The following CNTNAP3B variants were observed in gnomAD, a reference collection of about 807,000 sequenced individuals.
The protein encoded by CNTNAP3B is contactin-associated protein-like 3B.
CNTNAP3B carries 25 observed loss-of-function variants against 108.9 expected under a neutral mutation model. That is an observed-to-expected ratio of 0.23 (90% CI 0.17 to 0.32). The LOEUF is 0.32. Ranked by LOEUF, CNTNAP3B falls within the 10% of genes least tolerant of loss-of-function variation. The pLI is 1.00. For synonymous variants in CNTNAP3B, 103 were observed against 473.4 expected (o/e 0.22, Z 10.16); for missense variants, 252 against 1,210.4 (o/e 0.21, Z 11.75).
intron 3 of CNTNAP3B, among the ~76,000 whole-genome samples, chr9:42,036,660 GA>G (rs1826638580): frequency 7.4e-6 from 1 of 135,398 alleles, no homozygotes; most frequent in Non-Finnish European, 1.6e-5. Context: ...AACTTCTACA[GA>G]CTTAAACGTC....
At chr9:41,919,489 A>T in intron 18 of CNTNAP3B, among the ~76,000 whole-genome samples, 1 of 152,300 alleles carries the variant, frequency 6.6e-6, no homozygotes, top group Non-Finnish European at 1.5e-5. Flanking sequence ...AGAAGAGTCA[A>T]ACATCATAGA....
intron 11 of CNTNAP3B, 113 bp from the exon 12 acceptor site, chr9:41,961,005 C>G (rs543588570): frequency 1.1e-5 from 16 of 1,507,838 alleles, no homozygotes; most frequent in Non-Finnish European, 1.3e-5. Context: ...GACCCAACAT[C>G]ATTTTTATAG....
At chr9:41,990,697 G>A (rs1396691489) in intron 8 of CNTNAP3B, among the ~76,000 whole-genome samples, 3 of 133,026 alleles carry the variant, frequency 2.3e-5, no homozygotes, top group African/African-American at 5.9e-5. Context: ...ATTTAGTTCC[G>A]ATGCCAATTT....
chr9:41,994,684 C>G (rs776699348), intron 7 of CNTNAP3B: 1 of 348,946 alleles, frequency 2.9e-6, no homozygotes, highest in South Asian at 2.3e-5. Context: ...TTCCCCTTTT[C>G]TCATGCTAAC....
intron 1 of CNTNAP3B, among the ~76,000 whole-genome samples, chr9:42,120,755 A>G (rs1828443588): frequency 8.2e-6 from 1 of 122,446 alleles, no homozygotes; most frequent in Admixed American, 8.8e-5. Context: ...TCTCACTCAT[A>G]GGTGGGAACT....
chr9:42,097,394 G>C (rs987345935), intron 2 of CNTNAP3B, among the ~76,000 whole-genome samples: 1 of 139,458 alleles, frequency 7.2e-6, no homozygotes, highest in Admixed American at 7.1e-5. Context: ...TAATAAAGAT[G>C]CTTTTTATAT....
intron 13 of CNTNAP3B, among the ~76,000 whole-genome samples, chr9:41,940,740 G>T (rs1381587794): frequency 6.6e-6 from 1 of 150,840 alleles, no homozygotes; most frequent in Non-Finnish European, 1.5e-5. Flanking sequence ...GCGTGAACCC[G>T]GGAGGCGGAG....
In CNTNAP3B at chr9:42,026,595, G is replaced by GA. The variant is rs1225771329; in HGVS notation, c.391-13071dup. Among the ~76,000 whole-genome samples, 214 of 71,670 alleles carry GA rather than the reference G, an allele frequency of 3.0e-3. 7 individuals carry two copies. The highest frequency in any genetic ancestry group is 4.7e-3 in the African/African-American group (87 of 18,578). 47.0% of individuals were successfully genotyped at this position (71,670 alleles called of 152,430 possible). ...CGACAGAGTGAGCCTCCGTCTCAGG[G>GA]AAAAAAAAAAAAAAAAGCCTTTCTC... is the stretch of plus-strand genomic sequence containing the variant. On this transcript the variant is annotated intron_variant, in intron 3 of 23. Coordinates refer to ENST00000377561, the MANE Select transcript of CNTNAP3B (RefSeq NM_001201380.3).
At chr9:41,959,807 T>C (rs564691202) in intron 12 of CNTNAP3B, among the ~76,000 whole-genome samples, 404 of 152,106 alleles carry the variant, frequency 2.7e-3, no homozygotes, top group African/African-American at 9.3e-3. Context: ...CCCATTTGGT[T>C]ATTGTCCAAA....
At chr9:41,925,667 A>T (rs1410859274) in intron 15 of CNTNAP3B, among the ~76,000 whole-genome samples, 13 of 152,290 alleles carry the variant, frequency 8.5e-5, no homozygotes, top group African/African-American at 3.1e-4. Flanking sequence ...GTATTTATCC[A>T]TTTGTTTATT....
At chr9:41,945,960 C>G (rs1340628248) in intron 13 of CNTNAP3B, among the ~76,000 whole-genome samples, 2 of 152,264 alleles carry the variant, frequency 1.3e-5, no homozygotes, top group Non-Finnish European at 2.9e-5. Flanking sequence ...ACAAAGCCAA[C>G]TGCAGAGCAA....
At chr9:42,059,901 C>T (rs1373776450) in intron 3 of CNTNAP3B, among the ~76,000 whole-genome samples, 212 of 142,448 alleles carry the variant, frequency 1.5e-3, no homozygotes, top group Non-Finnish European at 2.2e-3. Context: ...GAAATTTATG[C>T]ATTAGTTCTA....
At chr9:42,096,999 G>A (rs188645193) in intron 2 of CNTNAP3B, among the ~76,000 whole-genome samples, 2,879 of 134,004 alleles carry the variant, frequency 0.021, 392 homozygotes, top group Middle Eastern at 0.054. Context: ...TGATCCAACC[G>A]CCTCAGCCTC....
In CNTNAP3B at chr9:42,104,622, G is replaced by C. The variant is rs1428665210; in HGVS notation, c.196+7C>G. 12 of 1,145,904 alleles carry C rather than the reference G, an allele frequency of 1.0e-5. 2 individuals carry two copies. In the East Asian group the frequency reaches 3.9e-4, roughly 37 times the overall value. The allele number at this position is 1,145,904 out of a possible 1,614,324, so 71.0% of individuals were successfully genotyped here. On this transcript the variant is annotated splice_region_variant and intron_variant, in intron 2 of 23. Coordinates refer to ENST00000377561, the MANE Select transcript of CNTNAP3B (RefSeq NM_001201380.3). ...AAGGAGCAATACAAGGAAAAAGGCA[G>C]ACTCACCATCTCTTCGATTAAGCCT...
At position 42,125,670 on chromosome 9, in the gene CNTNAP3B, T is replaced by G. The variant is rs1336614307; in HGVS notation, c.85+3340A>C. On this transcript the variant is annotated intron_variant, in intron 1 of 23. Transcript: ENST00000377561. ...GCATGTGAACTACATTTTTTGTTTTTTTTTTTTTGTTTTTTTTTGAGACAG... is the reference window on the plus strand; with the variant it reads ...GCATGTGAACTACATTTTTTGTTTTGTTTTTTTTGTTTTTTTTTGAGACAG... Among the ~76,000 whole-genome samples, 3 of 131,452 alleles carry G rather than the reference T, an allele frequency of 2.3e-5. 1 individual carries two copies. Among genetic ancestry groups the G allele is most frequent in the African/African-American group, 9.2e-5 (3 of 32,596 alleles). The allele number at this position is 131,452 out of a possible 152,430, so 86.2% of individuals were successfully genotyped here. A position where few individuals can be genotyped will look rare whatever the true frequency, so the allele number is the denominator to read the frequency against.
chr9:41,969,129 A>G (rs1254790474), intron 10 of CNTNAP3B, among the ~76,000 whole-genome samples: 1 of 152,218 alleles, frequency 6.6e-6, no homozygotes, highest in Non-Finnish European at 1.5e-5. Flanking sequence ...AATCTGTAGC[A>G]TTTATTTATT....
chr9:41,939,251 G>A (rs1189777987), intron 13 of CNTNAP3B, among the ~76,000 whole-genome samples: 1 of 152,416 alleles, frequency 6.6e-6, no homozygotes, highest in African/African-American at 2.4e-5. Context: ...GAGGCCACAA[G>A]TTGCAGTCAT....
In CNTNAP3B at chr9:42,125,255, T is replaced by A. The variant is rs1277267394; in HGVS notation, c.85+3755A>T. ...TGCAGAATAGTATTTAGTTGCCTTG[T>A]TTTCTTAGCCTCTGTCAATCTGGAA... On this transcript the variant is annotated intron_variant, in intron 1 of 23. Transcript: ENST00000377561. 1.4e-5 allele frequency among the ~76,000 whole-genome samples: 2 copies of A among 139,066 alleles called. 1 individual carries two copies. Among genetic ancestry groups the A allele is most frequent in the Non-Finnish European group, 3.1e-5 (2 of 64,954 alleles). 91.2% of individuals were successfully genotyped at this position (139,066 alleles called of 152,430 possible).
Position 42,127,356 on chromosome 9 carries a change from C to G in CNTNAP3B, c.85+1654G>C, listed in dbSNP as rs1372391093. The stretch of plus-strand genomic sequence containing the variant: ...TTCCACTGGATTCCAAGCAAAATAA[C>G]TATCAATACAACTAATCCTGAGAAT... On this transcript the variant is annotated intron_variant, in intron 1 of 23. Transcript: ENST00000377561. 5.7e-5 allele frequency among the ~76,000 whole-genome samples: 8 copies of G among 139,154 alleles called. 3 individuals are homozygous for G. Among genetic ancestry groups the G allele is most frequent in the Admixed American group, 2.1e-4 (3 of 13,958 alleles). The allele number at this position is 139,154 out of a possible 152,430, so 91.3% of individuals were successfully genotyped here. A position where few individuals can be genotyped will look rare whatever the true frequency, so the allele number is the denominator to read the frequency against.
Sources: gnomAD v4.1 joint callset for allele counts (sites outside exome capture counted in the v4.1 genomes callset) on GRCh38, gnomAD v4.1.1 for gene constraint, MANE v1.5 for transcripts, NCBI Gene and HGNC (gene_info 2026-07-23, HGNC 2026-07-21) for gene names.